LINGO2: variants seen among roughly 807,000 people sequenced by gnomAD.
LINGO2 encodes leucine-rich repeat and immunoglobulin-like domain-containing nogo receptor-interacting protein 2.
A neutral mutation model predicts 30.6 loss-of-function variants in LINGO2; 14 were observed. The observed-to-expected ratio is 0.46, with a 90% CI of 0.30 to 0.72. The LOEUF (loss-of-function observed/expected upper bound fraction) is 0.72. LINGO2 is among the 30% of genes least tolerant of loss of function. The probability of loss-of-function intolerance (pLI) is 0.07; values close to 1 mark genes in which losing one functional copy is unlikely to be tolerated. For missense variants in LINGO2, 729 were observed against 751.7 expected, an observed-to-expected ratio of 0.97 and a Z score of 0.35; for synonymous variants, 317 against 288.5, an observed-to-expected ratio of 1.10 and a Z score of -1.00.
intron 1 of LINGO2, among the ~76,000 whole-genome samples, chr9:28,583,918 T>C (rs1013769279): frequency 6.6e-6 from 1 of 152,062 alleles, no homozygotes; most frequent in Non-Finnish European, 1.5e-5. Flanking sequence ...AACATCATTA[T>C]CAATCACACA....
At chr9:28,796,893 T>C in the LINGO2 span, among the ~76,000 whole-genome samples, 1 of 151,682 alleles carries the variant, frequency 6.6e-6, no homozygotes, top group Non-Finnish European at 1.5e-5. Context: ...TATTTTAGTA[T>C]TGGATGATGG....
intron 1 of LINGO2, among the ~76,000 whole-genome samples, chr9:28,492,927 C>G (rs1250831428): frequency 6.6e-6 from 1 of 152,116 alleles, no homozygotes; most frequent in Non-Finnish European, 1.5e-5. Flanking sequence ...TGCAGCTCAC[C>G]AGATTTCAAA....
At chr9:28,194,112 A>G (rs1223884532) in intron 4 of LINGO2, among the ~76,000 whole-genome samples, 2 of 152,164 alleles carry the variant, frequency 1.3e-5, no homozygotes, top group Admixed American at 6.6e-5. Flanking sequence ...CCTTTCCAAA[A>G]GGGGATTGTT....
At chr9:28,918,368 C>T in the LINGO2 span, among the ~76,000 whole-genome samples, 1 of 152,190 alleles carries the variant, frequency 6.6e-6, no homozygotes, top group Admixed American at 6.5e-5. Flanking sequence ...TATGGGAGTA[C>T]AATTCAAGAT....
At chr9:28,072,464 C>A (rs1009323057) in intron 4 of LINGO2, among the ~76,000 whole-genome samples, 1 of 152,186 alleles carries the variant, frequency 6.6e-6, no homozygotes, top group Non-Finnish European at 1.5e-5. Flanking sequence ...GAAATGACAG[C>A]TCAGTACAGA....
intron 3 of LINGO2, among the ~76,000 whole-genome samples, chr9:28,317,964 T>G (rs1182008602): frequency 6.6e-6 from 1 of 152,114 alleles, no homozygotes; most frequent in East Asian, 1.9e-4. Flanking sequence ...ATGGCCATTC[T>G]CTCAGACATC....
rs1016531844 is a variant in LINGO2, at chr9:28,095,475, A to C, written c.-86-83070T>G. The stretch of plus-strand genomic sequence containing the variant: ...GCAATGGGGAAAGGATTCCCTATTT[A>C]ATAAATGGTGCTGGGAAAACTGGCT... On this transcript the variant is annotated intron_variant, in intron 4 of 5. Coordinates refer to ENST00000379992, the Ensembl canonical transcript of LINGO2. Among the ~76,000 whole-genome samples, 3 of 152,110 alleles carry C rather than the reference A, an allele frequency of 2.0e-5. No individual in the cohort carries two copies. In the East Asian group the frequency reaches 5.8e-4, roughly 29 times the overall value.
At chr9:28,855,159 A>G in the LINGO2 span, among the ~76,000 whole-genome samples, 100 of 152,078 alleles carry the variant, frequency 6.6e-4, no homozygotes, top group Admixed American at 1.4e-3. Context: ...CATGTTTTGC[A>G]AGATGGTTTT....
At chr9:28,369,513 T>A (rs1048492015) in intron 3 of LINGO2, among the ~76,000 whole-genome samples, 1 of 152,232 alleles carries the variant, frequency 6.6e-6, no homozygotes, top group Non-Finnish European at 1.5e-5. Context: ...CAAGATTTAC[T>A]GACATTTGGG....
intron 1 of LINGO2, among the ~76,000 whole-genome samples, chr9:28,662,349 T>C (rs1008578940): frequency 4.3e-4 from 65 of 152,314 alleles, no homozygotes; most frequent in African/African-American, 1.6e-3. Flanking sequence ...AGGGAATTGA[T>C]GCTTTTTTAT....
chr9:28,990,637 C>T, the LINGO2 span, among the ~76,000 whole-genome samples: 12 of 152,074 alleles, frequency 7.9e-5, no homozygotes, highest in African/African-American at 1.4e-4. Context: ...CTCACACGGC[C>T]GGGTACTCCT....
chr9:29,156,088 T>C, the LINGO2 span, among the ~76,000 whole-genome samples: 1 of 152,152 alleles, frequency 6.6e-6, no homozygotes, highest in African/African-American at 2.4e-5. Context: ...TCTTGTTTTA[T>C]CTACTGCTAC....
chr9:29,150,529 C>T, the LINGO2 span, among the ~76,000 whole-genome samples: 5 of 152,170 alleles, frequency 3.3e-5, no homozygotes, highest in African/African-American at 4.8e-5. Flanking sequence ...CCCAGTGAAA[C>T]GATCCAAGAG....
chr9:28,978,294 G>A, the LINGO2 span, among the ~76,000 whole-genome samples: 2 of 152,088 alleles, frequency 1.3e-5, no homozygotes, highest in African/African-American at 4.8e-5. Context: ...TCTCCCTGGG[G>A]TGGAGTGAGA....
intron 4 of LINGO2, among the ~76,000 whole-genome samples, chr9:28,055,409 C>G (rs180940805): frequency 1.3e-4 from 20 of 152,198 alleles, no homozygotes; most frequent in East Asian, 1.2e-3. Context: ...GCTATTTTAG[C>G]TATTGCCACA....
chr9:28,588,625 A>ACAAC, intron 1 of LINGO2, among the ~76,000 whole-genome samples: 1 of 151,584 alleles, frequency 6.6e-6, no homozygotes, highest in African/African-American at 2.4e-5. Context: ...AAACAAACAA[A>ACAAC]CATGACGGTG....
the LINGO2 span, among the ~76,000 whole-genome samples, chr9:28,991,380 T>C: frequency 2.0e-5 from 3 of 151,444 alleles, no homozygotes; most frequent in East Asian, 5.8e-4. Context: ...AGACCAAATC[T>C]ACGTCTGATT....
intron 5 of LINGO2, among the ~76,000 whole-genome samples, chr9:27,964,248 C>A (rs1819988928): frequency 6.6e-6 from 1 of 152,060 alleles, no homozygotes; most frequent in Non-Finnish European, 1.5e-5. Context: ...TATATTATAA[C>A]ATATTTTTTT....
chr9:28,309,663 A>C (rs1275113643), intron 3 of LINGO2, among the ~76,000 whole-genome samples: 1 of 152,054 alleles, frequency 6.6e-6, no homozygotes. Context: ...AAAAATTGAT[A>C]AATTTGATTT....
Sources: allele counts gnomAD v4.1 joint callset (sites outside exome capture counted in the v4.1 genomes callset), GRCh38; gene constraint gnomAD v4.1.1; transcripts MANE v1.5; gene names NCBI Gene and HGNC (gene_info 2026-07-23, HGNC 2026-07-21).